Variants in NXPE4 observed in about 807,000 individuals in gnomAD.
NXPE4 encodes the protein neurexophilin and PC-esterase domain family member 4, also known as NXPE family member 4.
A neutral mutation model predicts 33.3 loss-of-function variants in NXPE4; 42 were observed. The observed-to-expected ratio is 1.26, with a 90% CI of 0.98 to 1.63. The LOEUF is 1.63. Ranked by LOEUF, NXPE4 falls within the 40% of genes most tolerant of loss-of-function variation. The pLI, the probability that NXPE4 is intolerant of heterozygous loss-of-function variation, is 0.00. For missense variants in NXPE4, 709 were observed against 647.6 expected (o/e 1.09, Z -1.03); for synonymous variants, 253 against 234.9 (o/e 1.08, Z -0.71).
the NXPE4 span, among the ~76,000 whole-genome samples, chr11:114,605,742 A>T: frequency 6.6e-6 from 1 of 151,812 alleles, no homozygotes; most frequent in Non-Finnish European, 1.5e-5. Flanking sequence ...CCCAGTGGAT[A>T]ATAAGTATTG....
chr11:114,628,375 A>G, the NXPE4 span, among the ~76,000 whole-genome samples: 9 of 152,294 alleles, frequency 5.9e-5, no homozygotes, highest in South Asian at 4.1e-4. Context: ...CTCACTCAAA[A>G]CCACTGAACT....
chr11:114,668,034 C>T, the NXPE4 span, among the ~76,000 whole-genome samples: 1 of 151,772 alleles, frequency 6.6e-6, no homozygotes, highest in Non-Finnish European at 1.5e-5. Flanking sequence ...TACAGGTACA[C>T]ACAGAAGGAA....
the NXPE4 span, among the ~76,000 whole-genome samples, chr11:114,639,340 G>A: frequency 3.3e-5 from 5 of 151,984 alleles, no homozygotes; most frequent in Non-Finnish European, 5.9e-5. Flanking sequence ...ATTAGGGTGG[G>A]AGTGACCCGA....
At chr11:114,639,290 C>G in the NXPE4 span, among the ~76,000 whole-genome samples, 4 of 152,204 alleles carry the variant, frequency 2.6e-5, no homozygotes, top group African/African-American at 9.6e-5. Flanking sequence ...GATATAATCT[C>G]CTGGTGCACC....
In NXPE4 at chr11:114,571,366, T is replaced by G. The variant is rs1275372167; in HGVS notation, c.1207A>C (p.Ile403Leu). ...IQWQKYCYPL[I>L]GSMTYSVKEM... ...TTGACTGAATAGGTCATTGATCCTA[T>G]CAAGGGATAACAATATTTTTGCCAC... The change falls in exon 6 of 6, where the codon ATA (isoleucine) becomes CTA (leucine). Residue 403 changes from isoleucine to leucine, a missense_variant. Ile to Leu is a conservative substitution (Grantham distance 5). Coordinates refer to ENST00000375478, the MANE Select transcript of NXPE4 (RefSeq NM_001077639.2). 18 of 1,613,894 alleles carry G rather than the reference T, an allele frequency of 1.1e-5. No homozygotes were observed. The highest frequency in any genetic ancestry group is 1.5e-5 in the Non-Finnish European group (18 of 1,179,924).
At chr11:114,665,507 G>T in the NXPE4 span, among the ~76,000 whole-genome samples, 1 of 152,146 alleles carries the variant, frequency 6.6e-6, no homozygotes, top group East Asian at 1.9e-4. Context: ...TGAAAAGCCT[G>T]AGGTTCTCAA....
At chr11:114,575,985 A>C (rs1280276830) in intron 5 of NXPE4, among the ~76,000 whole-genome samples, 1 of 152,238 alleles carries the variant, frequency 6.6e-6, no homozygotes. Flanking sequence ...ACAGCATGGT[A>C]CTGGCATAAA....
chr11:114,584,403 G>A (rs1044152460), intron 2 of NXPE4: 20 of 280,562 alleles, frequency 7.1e-5, no homozygotes, highest in Middle Eastern at 1.2e-3. Flanking sequence ...AAATGCAGGT[G>A]ATTCTGAGGA....
At chr11:114,626,472 G>A in the NXPE4 span, among the ~76,000 whole-genome samples, 5 of 152,250 alleles carry the variant, frequency 3.3e-5, no homozygotes, top group South Asian at 1.0e-3. Flanking sequence ...GGTCCTGTCT[G>A]TTAGAAGGAA....
chr11:114,612,872 G>A, the NXPE4 span, among the ~76,000 whole-genome samples: 2 of 151,898 alleles, frequency 1.3e-5, no homozygotes, highest in African/African-American at 2.4e-5. Flanking sequence ...TTACCCCGTG[G>A]ATAATAAGTG....
the NXPE4 span, among the ~76,000 whole-genome samples, chr11:114,612,757 T>C: frequency 6.6e-6 from 1 of 151,868 alleles, no homozygotes; most frequent in African/African-American, 2.4e-5. Flanking sequence ...TTAATAAGTG[T>C]TGCCTCGTGG....
the NXPE4 span, among the ~76,000 whole-genome samples, chr11:114,658,637 G>C: frequency 2.0e-5 from 3 of 152,156 alleles, no homozygotes; most frequent in African/African-American, 7.2e-5. Flanking sequence ...AGATCCCTGT[G>C]GTTGGGAAAA....
chr11:114,607,462 T>G, the NXPE4 span, among the ~76,000 whole-genome samples: 1 of 151,806 alleles, frequency 6.6e-6, no homozygotes, highest in South Asian at 2.1e-4. Flanking sequence ...TGGTGGATGA[T>G]AAATATTGCC....
chr11:114,619,939 C>T, the NXPE4 span, among the ~76,000 whole-genome samples: 8 of 151,764 alleles, frequency 5.3e-5, no homozygotes, highest in South Asian at 2.1e-4. Flanking sequence ...CACTGTTACC[C>T]GGTGGATAAT....
chr11:114,622,818 C>T, the NXPE4 span, among the ~76,000 whole-genome samples: 1 of 152,000 alleles, frequency 6.6e-6, no homozygotes, highest in African/African-American at 2.4e-5. Context: ...CATGGGTTAC[C>T]ACTCTTACCC....
At chr11:114,646,555 A>G in the NXPE4 span, among the ~76,000 whole-genome samples, 2 of 152,094 alleles carry the variant, frequency 1.3e-5, no homozygotes, top group Non-Finnish European at 2.9e-5. Context: ...GTGAGTTATC[A>G]TAAGTCAAAT....
the NXPE4 span, among the ~76,000 whole-genome samples, chr11:114,673,778 G>A: frequency 7.2e-5 from 11 of 151,828 alleles, no homozygotes; most frequent in African/African-American, 1.7e-4. Context: ...CTATGTGAGA[G>A]CCTCATCCAT....
rs777598277 is a variant in NXPE4 at position 114,571,429 on chromosome 11, G to T, written c.1144C>A (p.Gln382Lys). Reference sequence around the variant, plus strand: ...TTCCTATCCAAATCCACAGCAAGCTGGTGTTGCAATTTTCCAGATTCATGC... The same window carrying T: ...TTCCTATCCAAATCCACAGCAAGCTTGTGTTGCAATTTTCCAGATTCATGC... ...DLHESGKLQH[Q>K]LAVDLDRNIN... is the part of the protein sequence containing the mutation. Residue 382 changes from glutamine to lysine, a missense_variant, in exon 6 of 6, where the codon CAG (glutamine) becomes AAG (lysine). Transcript: ENST00000375478. 1 of 1,610,740 alleles carries T rather than the reference G, an allele frequency of 6.2e-7. No individual in the cohort carries two copies. Among genetic ancestry groups the T allele is most frequent in the Non-Finnish European group, 8.5e-7 (1 of 1,177,296 alleles).
chr11:114,605,255 C>T, the NXPE4 span, among the ~76,000 whole-genome samples: 5 of 151,898 alleles, frequency 3.3e-5, no homozygotes, highest in African/African-American at 1.2e-4. Context: ...ATAAGTACAG[C>T]CTCGTGGGAA....
Sources: gnomAD v4.1 joint callset for allele counts (sites outside exome capture counted in the v4.1 genomes callset) on GRCh38, gnomAD v4.1.1 for gene constraint, MANE v1.5 for transcripts, NCBI Gene and HGNC (gene_info 2026-07-23, HGNC 2026-07-21) for gene names.